The following ELMO1 variants were observed in gnomAD, a reference collection of about 807,000 sequenced individuals.
ELMO1 encodes engulfment and cell motility 1.
Under a neutral mutation model 98.9 loss-of-function variants are expected in ELMO1, and 26 were observed. That is an observed-to-expected ratio of 0.26 (90% CI 0.19 to 0.36). ELMO1 has a LOEUF of 0.36. Ranked by LOEUF, ELMO1 falls within the 10% of genes least tolerant of loss-of-function variation. The probability of loss-of-function intolerance (pLI) is 1.00; values close to 1 mark genes in which losing one functional copy is unlikely to be tolerated. For synonymous variants in ELMO1, 346 were observed against 346.0 expected (o/e 1.00, Z 0.00); for missense variants, 627 against 935.2 (o/e 0.67, Z 4.30).
intron 16 of ELMO1, among the ~76,000 whole-genome samples, chr7:36,909,609 C>T (rs1273558326): frequency 1.3e-5 from 2 of 152,226 alleles, no homozygotes; most frequent in African/African-American, 4.8e-5. Context: ...TAACTATGGG[C>T]TTGTACGTAC....
chr7:37,253,605 A>T lies in ELMO1; in HGVS notation c.413+5576T>A, dbSNP rs117882712. On this transcript the variant is annotated intron_variant, in intron 6 of 21. Coordinates refer to ENST00000310758, the MANE Select transcript of ELMO1 (RefSeq NM_014800.11). ...GGTGAGAGGCTAGGGTAGGGATAACATTAGGAGAAATACCTAATGCAGATG... is the reference window on the plus strand; with the variant it reads ...GGTGAGAGGCTAGGGTAGGGATAACTTTAGGAGAAATACCTAATGCAGATG... 9.0e-4 allele frequency among the ~76,000 whole-genome samples: 137 copies of T among 152,136 alleles called. 1 individual carries two copies. The East Asian group carries it at 0.023, about 26-fold the overall frequency.
intron 6 of ELMO1, among the ~76,000 whole-genome samples, chr7:37,249,882 C>T (rs754195045): frequency 2.0e-5 from 3 of 152,108 alleles, no homozygotes; most frequent in Non-Finnish European, 2.9e-5. Context: ...AGTTCAACAC[C>T]AGCCTGGGAA....
chr7:36,976,669 G>A (rs1243696799), intron 16 of ELMO1, among the ~76,000 whole-genome samples: 3 of 152,208 alleles, frequency 2.0e-5, no homozygotes, highest in Non-Finnish European at 2.9e-5. Context: ...AGACCTGATG[G>A]AGGTGAGCAG....
intron 15 of ELMO1, among the ~76,000 whole-genome samples, chr7:37,037,052 T>C (rs1232717679): frequency 2.0e-5 from 3 of 152,052 alleles, no homozygotes; most frequent in African/African-American, 7.2e-5. Context: ...AGAAATACCA[T>C]GGGGTTACTA....
chr7:37,292,112 T>C lies in ELMO1; in HGVS notation c.193-20230A>G, dbSNP rs1245083869. On this transcript the variant is annotated intron_variant, in intron 4 of 21. Coordinates refer to ENST00000310758, the MANE Select transcript of ELMO1 (RefSeq NM_014800.11). ...GCAGGCGCGCACCGCCACGCCTGACTGGTTTTCGTATTTTTTTGGTGGAGA... is the reference window on the plus strand; with the variant it reads ...GCAGGCGCGCACCGCCACGCCTGACCGGTTTTCGTATTTTTTTGGTGGAGA... Among the ~76,000 whole-genome samples, 5 of 125,234 alleles carry C rather than the reference T, an allele frequency of 4.0e-5. 1 individual carries two copies. Among genetic ancestry groups the C allele is most frequent in the Admixed American group, 1.6e-4 (2 of 12,892 alleles). The allele number at this position is 125,234 out of a possible 152,430, so 82.2% of individuals were successfully genotyped here.
At chr7:37,150,594 G>C (rs1246762379) in intron 13 of ELMO1, among the ~76,000 whole-genome samples, 1 of 152,066 alleles carries the variant, frequency 6.6e-6, no homozygotes, top group Non-Finnish European at 1.5e-5. Context: ...CTCTATAGTA[G>C]TATATAGTCC....
intron 1 of ELMO1, among the ~76,000 whole-genome samples, chr7:37,412,502 T>C (rs987705): frequency 0.17 from 25,481 of 152,262 alleles, 2,313 homozygotes; most frequent in South Asian, 0.26. Context: ...ATCAAAAAAC[T>C]ACAGTGTGCC....
chr7:37,314,594 G>C (rs1240755352), intron 4 of ELMO1, among the ~76,000 whole-genome samples: 1 of 152,158 alleles, frequency 6.6e-6, no homozygotes, highest in Non-Finnish European at 1.5e-5. Context: ...CAAGCAGTAA[G>C]AGAGACATAT....
At chr7:37,277,024 T>C (rs895759333) in intron 4 of ELMO1, among the ~76,000 whole-genome samples, 2 of 152,250 alleles carry the variant, frequency 1.3e-5, no homozygotes, top group South Asian at 2.1e-4. Flanking sequence ...TAGTTTATTA[T>C]GTCTATATCA....
At chr7:36,916,017 G>A (rs1784662681) in intron 16 of ELMO1, among the ~76,000 whole-genome samples, 1 of 152,190 alleles carries the variant, frequency 6.6e-6, no homozygotes, top group East Asian at 1.9e-4. Context: ...GGAAATCTAA[G>A]CTTTTCCCGT....
intron 4 of ELMO1, among the ~76,000 whole-genome samples, chr7:37,279,467 A>C (rs1465011167): frequency 6.6e-6 from 1 of 152,214 alleles, no homozygotes; most frequent in Non-Finnish European, 1.5e-5. Flanking sequence ...TGAAGGAAGC[A>C]GACTGGCTCC....
intron 15 of ELMO1, among the ~76,000 whole-genome samples, chr7:37,088,973 GCA>G (rs1221385494): frequency 6.6e-6 from 1 of 152,112 alleles, no homozygotes; most frequent in African/African-American, 2.4e-5. Flanking sequence ...CTTTGCATAA[GCA>G]AGAGTACAAG....
At chr7:37,321,716 C>CAAAAAAAAAA (rs565421716) in intron 2 of ELMO1, among the ~76,000 whole-genome samples, 1,459 of 66,010 alleles carry the variant, frequency 0.022, 121 homozygotes, top group African/African-American at 0.037. Context: ...GACTCCGTCT[C>CAAAAAAAAAA]AAAAAAAAAA....
At chr7:37,238,137 T>C (rs1000406577) in intron 7 of ELMO1, among the ~76,000 whole-genome samples, 9 of 152,352 alleles carry the variant, frequency 5.9e-5, no homozygotes, top group Middle Eastern at 3.4e-3. Context: ...TGCCAAAGGA[T>C]GTCAGAAGAG....
At chr7:36,919,259 C>T (rs913062871) in intron 16 of ELMO1, 1 of 405,622 alleles carries the variant, frequency 2.5e-6, no homozygotes, top group South Asian at 2.0e-5. Flanking sequence ...CTAGGATAAT[C>T]GTTCATGTCT....
At chr7:37,438,612 A>G (rs1275958210) in intron 1 of ELMO1, among the ~76,000 whole-genome samples, 1 of 150,588 alleles carries the variant, frequency 6.6e-6, no homozygotes, top group Admixed American at 6.6e-5. Flanking sequence ...AAAAAAAAAC[A>G]CTACTGAATC....
intron 2 of ELMO1, among the ~76,000 whole-genome samples, chr7:37,330,409 T>C (rs1464008807): frequency 6.6e-6 from 1 of 152,252 alleles, no homozygotes; most frequent in African/African-American, 2.4e-5. Context: ...CTGTGTTTTA[T>C]TGTTTTATCT....
chr7:36,940,798 G>C (rs576785622), intron 16 of ELMO1, among the ~76,000 whole-genome samples: 1 of 152,288 alleles, frequency 6.6e-6, no homozygotes, highest in South Asian at 2.1e-4. Context: ...AGGCACTGGG[G>C]GACTCTACAA....
At chr7:36,997,241 A>G (rs2129157720) in intron 16 of ELMO1, among the ~76,000 whole-genome samples, 1 of 152,224 alleles carries the variant, frequency 6.6e-6, no homozygotes, top group South Asian at 2.1e-4. Context: ...TTAAGACCAG[A>G]AAAAAAATTT....
Sources: allele counts gnomAD v4.1 joint callset (sites outside exome capture counted in the v4.1 genomes callset), GRCh38; gene constraint gnomAD v4.1.1; transcripts MANE v1.5; gene names NCBI Gene and HGNC (gene_info 2026-07-23, HGNC 2026-07-21).